The following KDF1 variants were observed in gnomAD, a reference collection of about 807,000 sequenced individuals.
KDF1 encodes keratinocyte differentiation factor 1.
A neutral mutation model predicts 31.6 loss-of-function variants in KDF1; 11 were observed. That is an observed-to-expected ratio of 0.35 (90% CI 0.22 to 0.58). KDF1 has a LOEUF of 0.58. Among genes scored for constraint, KDF1 ranks in the 20% least tolerant of loss-of-function variants. The pLI is 0.83. For synonymous variants in KDF1, 205 were observed against 214.4 expected, an observed-to-expected ratio of 0.96 and a Z score of 0.38; for missense variants, 476 against 549.1, an observed-to-expected ratio of 0.87 and a Z score of 1.33.
At position 26,952,532 on chromosome 1, in the gene KDF1, T is replaced by A; in HGVS notation, c.-32-120A>T. The A allele has an allele frequency of 1.4e-6, 1 of 709,204 alleles. No individual in the cohort carries two copies. The highest frequency in any genetic ancestry group is 2.9e-5 in the East Asian group (1 of 34,268). 43.9% of individuals were successfully genotyped at this position (709,204 alleles called of 1,614,324 possible). ...GGCCTGGGATGTGGATGGACCCAAG[T>A]ATGCCCAAAAACCCTTGCCTGGGAT... On this transcript the variant is annotated intron_variant, in intron 1 of 3. Coordinates refer to ENST00000320567, the MANE Select transcript of KDF1 (RefSeq NM_152365.3). The surrounding 1 kb of genome is among the most constrained non-coding windows in gnomAD (Gnocchi z 4.1).
rs2082344878 is a variant in KDF1, at chr1:26,950,847, C to A, written c.1040-91G>T. ...TGTTCCCAGCCCGATGAGGGAGGAGCCACTCACTCCTGGGCAGGGCTAGAA... is the reference window on the plus strand; with the variant it reads ...TGTTCCCAGCCCGATGAGGGAGGAGACACTCACTCCTGGGCAGGGCTAGAA... On this transcript the variant is annotated intron_variant, in intron 2 of 3. Coordinates refer to ENST00000320567, the MANE Select transcript of KDF1 (RefSeq NM_152365.3). The surrounding 1 kb of genome is among the most constrained non-coding windows in gnomAD (Gnocchi z 4.0). 4 of 1,119,488 alleles carry A rather than the reference C, an allele frequency of 3.6e-6. 1 individual carries two copies. Among genetic ancestry groups the A allele is most frequent in the African/African-American group, 3.1e-5 (2 of 65,206 alleles). 69.3% of individuals were successfully genotyped at this position (1,119,488 alleles called of 1,614,324 possible). A position where few individuals can be genotyped will look rare whatever the true frequency, so the allele number is the denominator to read the frequency against.
Position 26,952,101 on chromosome 1 carries a change from G to A in KDF1, c.280C>T (p.Arg94Cys), listed in dbSNP as rs1332689455. 23 of 1,613,326 alleles carry A rather than the reference G, an allele frequency of 1.4e-5. No homozygotes were observed. The highest frequency in any genetic ancestry group is 6.6e-5 in the South Asian group (6 of 91,084). ...CAGCGCTGGAGGCAATCCCGGCAGC[G>A]GCGGAAGCAGAAGGCAGCCCGGCAC... ...EWCRAAFCFR[R>C]CRDCLQRCGA... Residue 94 changes from arginine (R) to cysteine (C), a missense_variant, in exon 2 of 4, where the codon CGC becomes TGC. This residue lies in a region of KDF1 where 330 missense variants were observed against 332.3 expected (regional missense o/e 0.99). Transcript: ENST00000320567. This position sits in a 1 kb window ranked among gnomAD's most constrained non-coding sequence, Gnocchi z 4.1.
chr1:26,958,947 C>A (rs1465685777), intron 1 of KDF1, among the ~76,000 whole-genome samples: 1 of 152,226 alleles, frequency 6.6e-6, no homozygotes, highest in Non-Finnish European at 1.5e-5. Flanking sequence ...ATTAATACAA[C>A]GAGGTGCCCA....
chr1:26,953,546 GTATATACATACAAT>G (rs1483674573), intron 1 of KDF1, among the ~76,000 whole-genome samples: 3 of 152,170 alleles, frequency 2.0e-5, no homozygotes, highest in African/African-American at 7.2e-5. Context: ...ACAAAATGTG[GTATATACATACAAT>G]GGAATATTAC....
Position 26,952,389 on chromosome 1 carries a change from G to T in KDF1, c.-9C>A. The T allele has an allele frequency of 5.3e-6, 8 of 1,500,008 alleles. No individual in the cohort carries two copies. Among genetic ancestry groups the T allele is most frequent in the Non-Finnish European group, 7.1e-6 (8 of 1,130,526 alleles). 92.9% of individuals were successfully genotyped at this position (1,500,008 alleles called of 1,614,324 possible). A position where few individuals can be genotyped will look rare whatever the true frequency, so the allele number is the denominator to read the frequency against. Reference sequence around the variant, plus strand: ...TGTCCAGGGCGGGGCATGGCTCATTGCATGGTTTGTAGCAGCCAGGCACCT... The same window carrying T: ...TGTCCAGGGCGGGGCATGGCTCATTTCATGGTTTGTAGCAGCCAGGCACCT... On this transcript the variant is annotated 5_prime_UTR_variant, in exon 2 of 4. Coordinates refer to ENST00000320567, the MANE Select transcript of KDF1 (RefSeq NM_152365.3). The surrounding 1 kb of genome is among the most constrained non-coding windows in gnomAD (Gnocchi z 4.1).
intron 1 of KDF1, among the ~76,000 whole-genome samples, chr1:26,953,063 AT>A (rs1206162486): frequency 6.6e-6 from 1 of 152,064 alleles, no homozygotes; most frequent in African/African-American, 2.4e-5. Flanking sequence ...AATGTTTTGG[AT>A]TCTGAATTGT....
In KDF1 at chr1:26,952,370, G is replaced by T; in HGVS notation, c.11C>A (p.Pro4His). Residue 4 changes from proline (P) to histidine (H), a missense_variant, in exon 2 of 4, where the codon CCT becomes CAT. By Grantham distance (77) the Pro-to-His change is moderately conservative. Transcript: ENST00000320567. The surrounding 1 kb of genome is among the most constrained non-coding windows in gnomAD (Gnocchi z 4.1). ...CCCAGATGCTGGGCGGGGGTGTCCA[G>T]GGCGGGGCATGGCTCATTGCATGGT... The part of the protein sequence containing the change: MPR[P>H]GHPRPASGPP... 1 of 1,507,286 alleles carries T rather than the reference G, an allele frequency of 6.6e-7. No individual in the cohort carries two copies. The allele number at this position is 1,507,286 out of a possible 1,614,324, so 93.4% of individuals were successfully genotyped here.
chr1:26,950,128 A>C lies in KDF1; in HGVS notation c.1138T>G (p.Ser380Ala). Residue 380 changes from serine (S) to alanine (A), a missense_variant, in exon 4 of 4, where the codon TCC becomes GCC. Ser to Ala is a moderately conservative substitution (Grantham distance 99). Transcript: ENST00000320567. This position sits in a 1 kb window ranked among gnomAD's most constrained non-coding sequence, Gnocchi z 4.0. Reference sequence around the variant, plus strand: ...GAGTCTGTGTCGGTGCCCTGGAAGGATGAGTCATGGCTTGCTGGGTACCCT... The same window carrying C: ...GAGTCTGTGTCGGTGCCCTGGAAGGCTGAGTCATGGCTTGCTGGGTACCCT... ...APGYPASHDSSFQGTDTDSSG... is the reference protein window; with the variant it reads ...APGYPASHDSAFQGTDTDSSG... 6.2e-7 allele frequency: 1 copy of C among 1,613,792 alleles called. No individual in the cohort carries two copies.
Position 26,952,719 on chromosome 1 carries a change from G to A in KDF1, c.-32-307C>T, listed in dbSNP as rs779203784. 2.0e-5 allele frequency among the ~76,000 whole-genome samples: 3 copies of A among 152,286 alleles called. No individual in the cohort carries two copies. Among genetic ancestry groups the A allele is most frequent in the South Asian group, 2.1e-4 (1 of 4,824 alleles). On this transcript the variant is annotated intron_variant, in intron 1 of 3. Coordinates refer to ENST00000320567, the MANE Select transcript of KDF1 (RefSeq NM_152365.3). The surrounding 1 kb of genome is among the most constrained non-coding windows in gnomAD (Gnocchi z 4.1). ...ACATTGGCCGGGCGTGGTGGCTCACGCCTGTAATCCCAGCACTTTGGGAGG... is the reference window on the plus strand; with the variant it reads ...ACATTGGCCGGGCGTGGTGGCTCACACCTGTAATCCCAGCACTTTGGGAGG...
intron 1 of KDF1, among the ~76,000 whole-genome samples, chr1:26,956,248 CCTAAT>C (rs959287362): frequency 2.5e-4 from 38 of 152,086 alleles, no homozygotes; most frequent in African/African-American, 9.2e-4. Flanking sequence ...CAGTTCTGGC[CCTAAT>C]CTAACCCCAG....
Position 26,952,589 on chromosome 1 carries a change from T to TGCCTGGG in KDF1, c.-32-178_-32-177insCCCAGGC, listed in dbSNP as rs1346687803. ...GGACCCAAGTATGCCCAAAAACCCT[T>TGCCTGGG]ATCTCTTGTGGCCCTCCCTCCACAA... On this transcript the variant is annotated intron_variant, in intron 1 of 3. Coordinates refer to ENST00000320567, the MANE Select transcript of KDF1 (RefSeq NM_152365.3). This position sits in a 1 kb window ranked among gnomAD's most constrained non-coding sequence, Gnocchi z 4.1. Among the ~76,000 whole-genome samples, 5 of 152,168 alleles carry TGCCTGGG rather than the reference T, an allele frequency of 3.3e-5. No homozygotes were observed. The highest frequency in any genetic ancestry group is 1.2e-4 in the African/African-American group (5 of 41,508).
Position 26,951,950 on chromosome 1 carries a change from C to G in KDF1, c.431G>C (p.Ser144Thr). Residue 144 changes from serine (S) to threonine (T), a missense_variant, in exon 2 of 4, where the codon AGC (serine) becomes ACC (threonine). By Grantham distance (58) the Ser-to-Thr change is moderately conservative. This residue lies in a region of KDF1 where 330 missense variants were observed against 332.3 expected (regional missense o/e 0.99). Transcript: ENST00000320567. This position sits in a 1 kb window ranked among gnomAD's most constrained non-coding sequence, Gnocchi z 5.4. ...CTTGAGCCGCTGGCCATCCCGCCGG[C>G]TGGGGGGTGCACGATCAGGGCTGGG... The part of the protein sequence containing the change: ...VPPSPDRAPP[S>T]RRDGQRLKST... 6.2e-7 allele frequency: 1 copy of G among 1,605,658 alleles called. No individual in the cohort carries two copies. The highest frequency in any genetic ancestry group is 8.5e-7 in the Non-Finnish European group (1 of 1,174,258).
chr1:26,953,772 T>C (rs1276101582), intron 1 of KDF1, among the ~76,000 whole-genome samples: 3 of 151,978 alleles, frequency 2.0e-5, no homozygotes, highest in South Asian at 2.1e-4. Flanking sequence ...CTGGCCAACA[T>C]GGTGAAAGCC....
chr1:26,955,178 C>A (rs544663050), intron 1 of KDF1, among the ~76,000 whole-genome samples: 1 of 152,186 alleles, frequency 6.6e-6, no homozygotes, highest in African/African-American at 2.4e-5. Flanking sequence ...ACTTTTATAG[C>A]TATTTTACAG....
At position 26,952,778 on chromosome 1, in the gene KDF1, C is replaced by G. The variant is rs373286149; in HGVS notation, c.-32-366G>C. On this transcript the variant is annotated intron_variant, in intron 1 of 3. Transcript: ENST00000320567. This position sits in a 1 kb window ranked among gnomAD's most constrained non-coding sequence, Gnocchi z 4.1. ...GGCAGATCACCTGAGGTCAGGAGTT[C>G]GAGACCAACCTGACTAACATGGTGA... Among the ~76,000 whole-genome samples the G allele has an allele frequency of 3.3e-5, 5 of 151,908 alleles. No homozygotes were observed. Among genetic ancestry groups the G allele is most frequent in the Non-Finnish European group, 2.9e-5 (2 of 67,980 alleles).
intron 1 of KDF1, among the ~76,000 whole-genome samples, chr1:26,954,367 G>A (rs1410949963): frequency 1.3e-5 from 2 of 151,810 alleles, no homozygotes; most frequent in Non-Finnish European, 2.9e-5. Flanking sequence ...GGGATTACAG[G>A]CACGTGCCAC....
chr1:26,957,213 G>GC (rs1290944001), intron 1 of KDF1, among the ~76,000 whole-genome samples: 1 of 152,182 alleles, frequency 6.6e-6, no homozygotes, highest in Non-Finnish European at 1.5e-5. Context: ...GGGATTACAG[G>GC]CATGAGCCTC....
Position 26,952,470 on chromosome 1 carries a change from G to A in KDF1, c.-32-58C>T. On this transcript the variant is annotated intron_variant, in intron 1 of 3. Transcript: ENST00000320567. This position sits in a 1 kb window ranked among gnomAD's most constrained non-coding sequence, Gnocchi z 4.1. ...TCAGAGGTGAGGGACAAACTCCTGG[G>A]CTGACTTGAGCAGCTTCACATTTCT... The A allele has an allele frequency of 8.2e-7, 1 of 1,219,310 alleles. No individual in the cohort carries two copies. The highest frequency in any genetic ancestry group is 1.1e-6 in the Non-Finnish European group (1 of 894,538). 75.5% of individuals were successfully genotyped at this position (1,219,310 alleles called of 1,614,324 possible).
In KDF1 at chr1:26,949,707, T is replaced by C. The variant is rs1385297487; in HGVS notation, c.*362A>G. On this transcript the variant is annotated 3_prime_UTR_variant, in exon 4 of 4. Coordinates refer to ENST00000320567, the MANE Select transcript of KDF1 (RefSeq NM_152365.3). ...AGATAAGCTTCTTTTAACTGTTGAA[T>C]TACCCCAGGGAGGGAGAAGTTTGCA... 3 of 241,156 alleles carry C rather than the reference T, an allele frequency of 1.2e-5. No individual in the cohort carries two copies. The highest frequency in any genetic ancestry group is 5.8e-5 in the South Asian group (1 of 17,286). 14.9% of individuals were successfully genotyped at this position (241,156 alleles called of 1,614,324 possible).
Sources: gnomAD v4.1 joint callset for allele counts (sites outside exome capture counted in the v4.1 genomes callset) on GRCh38, gnomAD v4.1.1 for gene constraint, gnomAD v4.1.1 regional missense constraint, Gnocchi (gnomAD v3.1) non-coding constraint, MANE v1.5 for transcripts, NCBI Gene and HGNC (gene_info 2026-07-23, HGNC 2026-07-21) for gene names.